CACHD1: variants seen among roughly 807,000 people sequenced by gnomAD.
CACHD1 encodes VWFA and cache domain-containing protein 1.
CACHD1 carries 71 observed loss-of-function variants against 138.7 expected under a neutral mutation model. The observed-to-expected ratio is 0.51, with a 90% CI of 0.42 to 0.62. CACHD1 has a LOEUF of 0.62. Ranked by LOEUF, CACHD1 falls within the 20% of genes least tolerant of loss-of-function variation. The pLI is 0.00. For synonymous variants in CACHD1, 578 were observed against 591.5 expected, an observed-to-expected ratio of 0.98 and a Z score of 0.33; for missense variants, 1,389 against 1,625.3, an observed-to-expected ratio of 0.85 and a Z score of 2.50.
chr1:64,526,609 G>A (rs911524712), intron 1 of CACHD1, among the ~76,000 whole-genome samples: 5 of 152,204 alleles, frequency 3.3e-5, no homozygotes, highest in African/African-American at 1.2e-4. Flanking sequence ...AGGGAAAGAA[G>A]CAATTAAGTT....
chr1:64,685,449 AG>A (rs1469648260), intron 26 of CACHD1, among the ~76,000 whole-genome samples: 1 of 152,104 alleles, frequency 6.6e-6, no homozygotes, highest in Non-Finnish European at 1.5e-5. Context: ...GTGGAGGTGG[AG>A]GGGGCTACAG....
chr1:64,500,564 C>T (rs1646332080), intron 1 of CACHD1, among the ~76,000 whole-genome samples: 1 of 151,824 alleles, frequency 6.6e-6, no homozygotes, highest in African/African-American at 2.4e-5. Context: ...AAGAATTAAC[C>T]TACTGCGGCC....
At chr1:64,526,736 G>A (rs920242227) in intron 1 of CACHD1, among the ~76,000 whole-genome samples, 9 of 152,156 alleles carry the variant, frequency 5.9e-5, no homozygotes, top group African/African-American at 1.9e-4. Flanking sequence ...CCTTCTAGGC[G>A]TCTGGCGCCC....
intron 1 of CACHD1, among the ~76,000 whole-genome samples, chr1:64,534,713 C>T (rs1471547202): frequency 6.6e-6 from 1 of 152,220 alleles, no homozygotes; most frequent in African/African-American, 2.4e-5. Flanking sequence ...TGGCCCATAG[C>T]CTGTGCTCAG....
intron 3 of CACHD1, among the ~76,000 whole-genome samples, chr1:64,599,532 G>C (rs1313370762): frequency 6.6e-6 from 1 of 152,076 alleles, no homozygotes; most frequent in Non-Finnish European, 1.5e-5. Flanking sequence ...GGCCAGTTTC[G>C]TTAGAAGTGT....
intron 3 of CACHD1, among the ~76,000 whole-genome samples, chr1:64,598,490 C>G (rs1163229902): frequency 6.6e-6 from 1 of 152,206 alleles, no homozygotes; most frequent in African/African-American, 2.4e-5. Flanking sequence ...TCTCGTTACT[C>G]AGTCAACCAG....
intron 7 of CACHD1, among the ~76,000 whole-genome samples, chr1:64,634,629 C>T (rs1319890092): frequency 2.0e-5 from 3 of 152,096 alleles, no homozygotes; most frequent in African/African-American, 7.2e-5. Context: ...AAGCAATCCA[C>T]CTGCCTTTGC....
At chr1:64,648,523 A>C (rs1648985410) in intron 9 of CACHD1, among the ~76,000 whole-genome samples, 1 of 152,260 alleles carries the variant, frequency 6.6e-6, no homozygotes, top group Non-Finnish European at 1.5e-5. Context: ...AGGATTAACT[A>C]GATAACATAT....
At chr1:64,504,637 A>G (rs113140661) in intron 1 of CACHD1, among the ~76,000 whole-genome samples, 1 of 152,350 alleles carries the variant, frequency 6.6e-6, no homozygotes, top group Middle Eastern at 3.4e-3. Flanking sequence ...AAATTCTACT[A>G]TATTTAGGAA....
At chr1:64,623,245 T>TA (rs1216701255) in intron 4 of CACHD1, among the ~76,000 whole-genome samples, 15 of 151,726 alleles carry the variant, frequency 9.9e-5, no homozygotes, top group Non-Finnish European at 1.8e-4. Flanking sequence ...CTACTACTAA[T>TA]AAAAAAATGA....
chr1:64,518,111 A>G (rs1190550924), intron 1 of CACHD1, among the ~76,000 whole-genome samples: 1 of 152,142 alleles, frequency 6.6e-6, no homozygotes, highest in Non-Finnish European at 1.5e-5. Flanking sequence ...AAATGTTTGT[A>G]TCTCCTTACG....
intron 3 of CACHD1, among the ~76,000 whole-genome samples, chr1:64,594,617 C>G (rs547377632): frequency 6.6e-6 from 1 of 152,176 alleles, no homozygotes; most frequent in African/African-American, 2.4e-5. Context: ...TAGCTTCCTG[C>G]GTTTTTCGTG....
intron 16 of CACHD1, 134 bp from the exon 17 acceptor site, chr1:64,671,427 ATTT>A (rs1202359653): frequency 1.1e-6 from 1 of 902,134 alleles, no homozygotes; most frequent in Non-Finnish European, 1.7e-6. Flanking sequence ...TTAGTTGATC[ATTT>A]TTGTAGGTGG....
intron 1 of CACHD1, among the ~76,000 whole-genome samples, chr1:64,542,907 T>C (rs1025514217): frequency 1.3e-5 from 2 of 152,084 alleles, no homozygotes; most frequent in Non-Finnish European, 2.9e-5. Context: ...TGAGACAATA[T>C]GTTGCAAAGC....
rs1435726279 is a variant in CACHD1 at position 64,470,463 on chromosome 1, C to G, written c.-282C>G. The stretch of plus-strand genomic sequence containing the variant: ...GGGCGCCCCTGCTCTCGGAGACGCC[C>G]TCTGCGCCGCGGGGCCCGTGTGGGC... On this transcript the variant is annotated 5_prime_UTR_variant, in exon 1 of 27. Coordinates refer to ENST00000651257, the MANE Select transcript of CACHD1 (RefSeq NM_020925.4). This position sits in a 1 kb window ranked among gnomAD's most constrained non-coding sequence, Gnocchi z 5.2. 6.6e-6 allele frequency among the ~76,000 whole-genome samples: 1 copy of G among 151,456 alleles called. No individual in the cohort carries two copies. Among genetic ancestry groups the G allele is most frequent in the Non-Finnish European group, 1.5e-5 (1 of 67,828 alleles).
At chr1:64,471,497 AC>A (rs1161932613) in intron 1 of CACHD1, among the ~76,000 whole-genome samples, 1 of 152,214 alleles carries the variant, frequency 6.6e-6, no homozygotes, top group East Asian at 1.9e-4. Flanking sequence ...CCCCGGGGAC[AC>A]CTAGGTCCCG....
chr1:64,627,644 A>G (rs1297508845), intron 4 of CACHD1, among the ~76,000 whole-genome samples: 2 of 152,142 alleles, frequency 1.3e-5, no homozygotes, highest in Non-Finnish European at 1.5e-5. Context: ...CTCCCATTTC[A>G]TAATGTAATT....
intron 8 of CACHD1, among the ~76,000 whole-genome samples, chr1:64,644,176 A>G (rs1648829369): frequency 6.6e-6 from 1 of 152,180 alleles, no homozygotes; most frequent in African/African-American, 2.4e-5. Flanking sequence ...CGTGCCCATC[A>G]GTGTTATCTC....
At chr1:64,634,688 A>G (rs1241068591) in intron 7 of CACHD1, among the ~76,000 whole-genome samples, 1 of 152,012 alleles carries the variant, frequency 6.6e-6, no homozygotes, top group African/African-American at 2.4e-5. Context: ...ACCAGCGTAG[A>G]GGGATTAAAA....
Sources: allele counts gnomAD v4.1 joint callset (sites outside exome capture counted in the v4.1 genomes callset), GRCh38; gene constraint gnomAD v4.1.1; non-coding constraint Gnocchi (gnomAD v3.1); transcripts MANE v1.5; gene names NCBI Gene and HGNC (gene_info 2026-07-23, HGNC 2026-07-21).